ETV4: variants seen among roughly 807,000 people sequenced by gnomAD.
The protein encoded by ETV4 is ETS translocation variant 4.
ETV4 carries 42 observed loss-of-function variants against 65.9 expected under a neutral mutation model. The ratio of observed to expected loss-of-function variants is 0.64; its 90% CI spans 0.50 to 0.82. The LOEUF (loss-of-function observed/expected upper bound fraction) is 0.82. Among genes scored for constraint, ETV4 ranks in the 40% least tolerant of loss-of-function variants. ETV4 has a pLI of 0.00. For missense variants in ETV4, 583 were observed against 630.3 expected (o/e 0.92, Z 0.80); for synonymous variants, 238 against 260.0 (o/e 0.92, Z 0.81).
At position 43,545,597 on chromosome 17, in the gene ETV4, G is replaced by A. The variant is rs776485312; in HGVS notation, c.21C>T (p.Ala7=). ...AGGGCACTTGCTGGTCCAAGTATCC[G>A]GCTTTCATCCTCCGCTCCATCCGGC... MERRMK[A]GYLDQQVPYT... Residue 7 remains alanine (A), a synonymous_variant, in exon 2 of 13, where the codon GCC becomes GCT. Coordinates refer to ENST00000319349, the MANE Select transcript of ETV4 (RefSeq NM_001079675.5). The A allele has an allele frequency of 6.4e-7, 1 of 1,551,002 alleles. No individual in the cohort carries two copies. The highest frequency in any genetic ancestry group is 2.0e-5 in the Admixed American group (1 of 51,058).
At position 43,545,311 on chromosome 17, in the gene ETV4, G is replaced by A. The variant is rs2092346868; in HGVS notation, c.117C>T (p.Leu39=). 6.2e-7 allele frequency: 1 copy of A among 1,610,272 alleles called. No individual in the cohort carries two copies. Among genetic ancestry groups the A allele is most frequent in the African/African-American group, 1.3e-5 (1 of 74,906 alleles). Residue 39 remains leucine (L), a synonymous_variant, in exon 3 of 13, where the codon CTC becomes CTT. Coordinates refer to ENST00000319349, the MANE Select transcript of ETV4 (RefSeq NM_001079675.5). ...GGGGCGGCAGGGAGCCCGGGTCCAT[G>A]AGCTTCCCCAGCGGGCCGATCAGCG... ...REALIGPLGK[L]MDPGSLPPLD...
At chr17:43,532,989 C>G in intron 7 of ETV4, 50 bp from the exon 8 acceptor site, 1 of 1,525,272 alleles carries the variant, frequency 6.6e-7, no homozygotes, top group Non-Finnish European at 8.8e-7. Flanking sequence ...TAAATTAATC[C>G]TTCCTCGAGC....
intron 8 of ETV4, 114 bp downstream of exon 8, chr17:43,532,560 T>A: frequency 4.4e-6 from 4 of 904,652 alleles, no homozygotes; most frequent in South Asian, 1.9e-5. Context: ...AAAAAGTGGG[T>A]GGGTGGGTTG....
At chr17:43,540,099 C>A (rs867941709) in intron 4 of ETV4, among the ~76,000 whole-genome samples, 1 of 152,148 alleles carries the variant, frequency 6.6e-6, no homozygotes, top group Non-Finnish European at 1.5e-5. Flanking sequence ...AGCACAAACA[C>A]GGCAAAAAGA....
At position 43,529,188 on chromosome 17, in the gene ETV4, C is replaced by T. The variant is rs1567705535; in HGVS notation, c.1177G>A (p.Asp393Asn). The T allele has an allele frequency of 1.9e-6, 3 of 1,613,932 alleles. No individual in the cohort carries two copies. The highest frequency in any genetic ancestry group is 2.2e-5 in the East Asian group (1 of 44,848). ...TATCGGAGCGAGCGGCTCAGCTTGT[C>T]GTAATTCATGGCTGGCCGGTTCTTC... ...IQKNRPAMNY[D>N]KLSRSLRYYY... Residue 393 changes from aspartate (D) to asparagine (N), a missense_variant, in exon 12 of 13, where the codon GAC becomes AAC. Physicochemically the swap from Asp to Asn is conservative, Grantham distance 23 (BLOSUM62 1). Coordinates refer to ENST00000319349, the MANE Select transcript of ETV4 (RefSeq NM_001079675.5).
At position 43,536,489 on chromosome 17, in the gene ETV4, G is replaced by A. The variant is rs974928345; in HGVS notation, c.203-10C>T. 4.3e-6 allele frequency: 7 copies of A among 1,614,196 alleles called. No homozygotes were observed. Among genetic ancestry groups the A allele is most frequent in the African/African-American group, 1.3e-5 (1 of 75,074 alleles). On this transcript the variant is annotated splice_polypyrimidine_tract_variant and intron_variant, in intron 4 of 12. Transcript: ENST00000319349. ...CTGTCTGGTACCTGAGCTGCAGAGA[G>A]AAGTCAGAGGTGAGTTTGGGGCGGA...
intron 4 of ETV4, among the ~76,000 whole-genome samples, chr17:43,537,332 T>C (rs1971296132): frequency 6.6e-6 from 1 of 151,996 alleles, no homozygotes; most frequent in African/African-American, 2.4e-5. Context: ...ACCACTGCAC[T>C]CCAGCCTGGG....
At chr17:43,535,828 G>A (rs1971212039) in intron 5 of ETV4, among the ~76,000 whole-genome samples, 1 of 152,192 alleles carries the variant, frequency 6.6e-6, no homozygotes, top group African/African-American at 2.4e-5. Flanking sequence ...TACTAGAACT[G>A]GGGGCGGGCG....
chr17:43,533,045 G>A (rs1971031987), intron 7 of ETV4, 106 bp from the exon 8 acceptor site: 1 of 1,492,654 alleles, frequency 6.7e-7, no homozygotes, highest in East Asian at 2.3e-5. Flanking sequence ...TGGGGGGTAG[G>A]GGGTTGGGGT....
intron 4 of ETV4, among the ~76,000 whole-genome samples, chr17:43,542,386 T>C (rs747422510): frequency 3.3e-5 from 5 of 151,954 alleles, no homozygotes; most frequent in Non-Finnish European, 7.4e-5. Flanking sequence ...TACTACCAAA[T>C]AGACAACAAA....
At chr17:43,529,702 T>TGG (rs1970788799) in intron 10 of ETV4, 26 bp from the exon 11 acceptor site, 1 of 1,598,750 alleles carries the variant, frequency 6.3e-7, no homozygotes, top group South Asian at 1.1e-5. Context: ...ATAGGAGGTG[T>TGG]GGGGTTTGTG....
At chr17:43,529,088 A>G (rs200291774) in intron 12 of ETV4, 47 bp downstream of exon 12, 7 of 1,579,616 alleles carry the variant, frequency 4.4e-6, no homozygotes, top group Non-Finnish European at 5.2e-6. Context: ...TCAGCTTCTC[A>G]CAGCCACTGC....
chr17:43,529,037 T>A, intron 12 of ETV4, 98 bp downstream of exon 12: 1 of 1,140,186 alleles, frequency 8.8e-7, no homozygotes, highest in South Asian at 1.3e-5. Context: ...TATCTGATCC[T>A]ACAAAGTTGC....
chr17:43,535,366 C>T (rs1971186077), intron 5 of ETV4, among the ~76,000 whole-genome samples: 1 of 152,188 alleles, frequency 6.6e-6, no homozygotes, highest in Non-Finnish European at 1.5e-5. Flanking sequence ...CAACCTCCGC[C>T]TCCCAGGTTC....
intron 4 of ETV4, among the ~76,000 whole-genome samples, chr17:43,539,931 G>A (rs1332443839): frequency 2.0e-5 from 3 of 152,172 alleles, no homozygotes; most frequent in Non-Finnish European, 4.4e-5. Flanking sequence ...ATTAGGGAGA[G>A]GGAGTTTAAC....
Position 43,528,500 on chromosome 17 carries a change from G to C in ETV4, c.*19C>G. The C allele has an allele frequency of 1.3e-6, 2 of 1,542,392 alleles. No individual in the cohort carries two copies. The highest frequency in any genetic ancestry group is 1.8e-6 in the Non-Finnish European group (2 of 1,126,526). ...ACAGGGCAGCACCCACCTGCGGCAG[G>C]GGGAACAGCCGCTGGGGGCTAGTAA... On this transcript the variant is annotated 3_prime_UTR_variant, in exon 13 of 13. Coordinates refer to ENST00000319349, the MANE Select transcript of ETV4 (RefSeq NM_001079675.5).
At chr17:43,540,949 G>A (rs1971490021) in intron 4 of ETV4, among the ~76,000 whole-genome samples, 2 of 152,162 alleles carry the variant, frequency 1.3e-5, no homozygotes, top group Non-Finnish European at 2.9e-5. Flanking sequence ...TTTCCATTGA[G>A]GTAATGGGCT....
intron 4 of ETV4, among the ~76,000 whole-genome samples, chr17:43,543,290 T>TCTCG (rs1231403804): frequency 1.3e-5 from 2 of 148,320 alleles, no homozygotes; most frequent in African/African-American, 5.0e-5. Flanking sequence ...TCTCTCTCTC[T>TCTCG]CTCTCTCACA....
intron 10 of ETV4, 81 bp from the exon 11 acceptor site, chr17:43,529,757 C>T (rs1164820350): frequency 1.3e-6 from 2 of 1,590,012 alleles, no homozygotes; most frequent in African/African-American, 1.3e-5. Flanking sequence ...AGGGATTTCT[C>T]GAAGGGGTCT....
Sources: gnomAD v4.1 joint callset for allele counts (sites outside exome capture counted in the v4.1 genomes callset) on GRCh38, gnomAD v4.1.1 for gene constraint, MANE v1.5 for transcripts, NCBI Gene and HGNC (gene_info 2026-07-23, HGNC 2026-07-21) for gene names.